Variants in ZBTB7C observed in about 807,000 individuals in gnomAD.
ZBTB7C encodes the protein zinc finger and BTB domain-containing protein 7C.
Under a neutral mutation model 25.7 loss-of-function variants are expected in ZBTB7C, and 8 were observed. The ratio of observed to expected loss-of-function variants is 0.31; its 90% CI spans 0.18 to 0.56. The LOEUF is 0.56. Among genes scored for constraint, ZBTB7C ranks in the 20% least tolerant of loss-of-function variants. The pLI, the probability that ZBTB7C is intolerant of heterozygous loss-of-function variation, is 0.91. For missense variants in ZBTB7C, 824 were observed against 855.2 expected, an observed-to-expected ratio of 0.96 and a Z score of 0.46; for synonymous variants, 394 against 369.0, an observed-to-expected ratio of 1.07 and a Z score of -0.78.
chr18:48,239,679 C>T (rs551846269), intron 2 of ZBTB7C, among the ~76,000 whole-genome samples: 132 of 152,310 alleles, frequency 8.7e-4, no homozygotes, highest in Non-Finnish European at 1.5e-3. Context: ...AAGAGCACCA[C>T]ATCAAGGGAT....
intron 1 of ZBTB7C, among the ~76,000 whole-genome samples, chr18:48,352,135 A>G (rs1299112627): frequency 6.6e-6 from 1 of 152,132 alleles, no homozygotes; most frequent in African/African-American, 2.4e-5. Context: ...ACTTTACCCC[A>G]TCCTCGCACC....
chr18:48,189,616 C>T (rs2042144511), intron 2 of ZBTB7C, among the ~76,000 whole-genome samples: 1 of 152,124 alleles, frequency 6.6e-6, no homozygotes, highest in Non-Finnish European at 1.5e-5. Flanking sequence ...GTTGCTGCCT[C>T]TCCCCCACCC....
At chr18:48,353,434 T>C (rs1352893717) in intron 1 of ZBTB7C, among the ~76,000 whole-genome samples, 1 of 152,214 alleles carries the variant, frequency 6.6e-6, no homozygotes, top group African/African-American at 2.4e-5. Flanking sequence ...GATTTGCTGA[T>C]TGACAAATGA....
chr18:48,310,123 G>A (rs572731847), intron 2 of ZBTB7C, among the ~76,000 whole-genome samples: 8 of 152,014 alleles, frequency 5.3e-5, no homozygotes, highest in Non-Finnish European at 1.0e-4. Flanking sequence ...CCAGCTACTC[G>A]GGAGGCTGAG....
chr18:48,082,002 G>A (rs2038008097), intron 3 of ZBTB7C, among the ~76,000 whole-genome samples: 2 of 151,972 alleles, frequency 1.3e-5, no homozygotes, highest in Admixed American at 1.3e-4. Context: ...GTGACTATGA[G>A]GAACATTTTA....
intron 2 of ZBTB7C, among the ~76,000 whole-genome samples, chr18:48,229,721 G>A (rs965662408): frequency 6.6e-6 from 1 of 152,262 alleles, no homozygotes; most frequent in East Asian, 1.9e-4. Flanking sequence ...CTCTGTTGGC[G>A]GGAATTGTCG....
chr18:48,396,776 T>A lies in ZBTB7C; in HGVS notation c.-304+12450A>T, dbSNP rs564290236. The stretch of plus-strand genomic sequence containing the variant: ...ATTACTTGGCCCACATCACACAGAG[T>A]GAATATAATACAAGAAGAATTCTTA... On this transcript the variant is annotated intron_variant, in intron 1 of 4. Coordinates refer to ENST00000590800, the MANE Select transcript of ZBTB7C (RefSeq NM_001318841.2). Among the ~76,000 whole-genome samples the A allele has an allele frequency of 4.9e-4, 75 of 152,044 alleles. 1 individual carries two copies. Among genetic ancestry groups the A allele is most frequent in the Admixed American group, 3.4e-3 (52 of 15,268 alleles).
At chr18:48,195,888 T>C (rs1272337013) in intron 2 of ZBTB7C, among the ~76,000 whole-genome samples, 1 of 152,172 alleles carries the variant, frequency 6.6e-6, no homozygotes, top group Non-Finnish European at 1.5e-5. Flanking sequence ...TTTGCAACAG[T>C]ATTTAATTGG....
chr18:48,100,982 T>A (rs2144610649), intron 3 of ZBTB7C, among the ~76,000 whole-genome samples: 1 of 152,206 alleles, frequency 6.6e-6, no homozygotes, highest in East Asian at 1.9e-4. Flanking sequence ...TCTGGGCTCC[T>A]CGTGCATCAC....
At chr18:48,125,410 C>T (rs894628425) in intron 3 of ZBTB7C, among the ~76,000 whole-genome samples, 9 of 152,222 alleles carry the variant, frequency 5.9e-5, no homozygotes, top group Non-Finnish European at 8.8e-5. Flanking sequence ...TGGCTGCTTA[C>T]AGACATCTGT....
intron 3 of ZBTB7C, among the ~76,000 whole-genome samples, chr18:48,059,007 C>G (rs1011166666): frequency 6.6e-6 from 1 of 152,162 alleles, no homozygotes; most frequent in Non-Finnish European, 1.5e-5. Flanking sequence ...AATCCCTGAG[C>G]CAGAACGTTC....
chr18:48,173,030 G>C (rs1163080589), intron 3 of ZBTB7C, among the ~76,000 whole-genome samples: 2 of 152,224 alleles, frequency 1.3e-5, no homozygotes, highest in African/African-American at 4.8e-5. Context: ...AGGCCTTGGA[G>C]CAACTTGAAA....
intron 2 of ZBTB7C, among the ~76,000 whole-genome samples, chr18:48,239,684 A>G (rs571357565): frequency 6.6e-6 from 1 of 152,326 alleles, no homozygotes; most frequent in South Asian, 2.1e-4. Flanking sequence ...CACCACATCA[A>G]GGGATCACTC....
intron 3 of ZBTB7C, among the ~76,000 whole-genome samples, chr18:48,164,049 A>G (rs1400945356): frequency 6.6e-6 from 1 of 152,204 alleles, no homozygotes. Context: ...TTATTCTGCA[A>G]TAATTTTCAT....
At chr18:48,054,783 A>G (rs1380878900) in intron 3 of ZBTB7C, among the ~76,000 whole-genome samples, 4 of 152,286 alleles carry the variant, frequency 2.6e-5, no homozygotes, top group Middle Eastern at 3.4e-3. Flanking sequence ...AGAAAGCCCA[A>G]GCGTTTCCTT....
chr18:48,226,843 AC>A (rs1158246728), intron 2 of ZBTB7C, among the ~76,000 whole-genome samples: 1 of 151,872 alleles, frequency 6.6e-6, no homozygotes, highest in Non-Finnish European at 1.5e-5. Context: ...ACATGGTGAA[AC>A]CCCGTCTCTA....
intron 2 of ZBTB7C, among the ~76,000 whole-genome samples, chr18:48,311,042 T>G (rs539781078): frequency 1.3e-5 from 2 of 152,298 alleles, no homozygotes; most frequent in African/African-American, 4.8e-5. Flanking sequence ...ACAACAGAAA[T>G]GGAGGGATTC....
At position 48,029,855 on chromosome 18, in the gene ZBTB7C, C is replaced by G; in HGVS notation, c.1265G>C (p.Cys422Ser). 1 of 1,611,000 alleles carries G rather than the reference C, an allele frequency of 6.2e-7. No individual in the cohort carries two copies. Among genetic ancestry groups the G allele is most frequent in the Non-Finnish European group, 8.5e-7 (1 of 1,180,010 alleles). Residue 422 changes from cysteine (C) to serine (S), a missense_variant, in exon 5 of 5, where the codon TGC becomes TCC. Cys to Ser is a moderately radical substitution (Grantham distance 112, BLOSUM62 -1). Transcript: ENST00000590800. Reference sequence around the variant, plus strand: ...CACGAACTTGGCGTTGCAGTGGATGCACAGGTAGGGCCGCTCCCCTGTGTG... The same window carrying G: ...CACGAACTTGGCGTTGCAGTGGATGGACAGGTAGGGCCGCTCCCCTGTGTG... ...RKHTGERPYLCIHCNAKFVHN... is the reference protein window; with the variant it reads ...RKHTGERPYLSIHCNAKFVHN...
intron 2 of ZBTB7C, among the ~76,000 whole-genome samples, chr18:48,186,540 T>C (rs1004335308): frequency 1.3e-5 from 2 of 151,814 alleles, no homozygotes; most frequent in Admixed American, 6.6e-5. Context: ...ATCGGGGAGG[T>C]TGACTGTAAG....
Sources: gnomAD v4.1 joint callset for allele counts (sites outside exome capture counted in the v4.1 genomes callset) on GRCh38, gnomAD v4.1.1 for gene constraint, MANE v1.5 for transcripts, NCBI Gene and HGNC (gene_info 2026-07-23, HGNC 2026-07-21) for gene names.